Variants in NTNG1 observed in about 807,000 individuals in gnomAD.
The protein encoded by NTNG1 is netrin-G1.
Under a neutral mutation model 54.0 loss-of-function variants are expected in NTNG1, and 16 were observed. The ratio of observed to expected loss-of-function variants is 0.30; its 90% confidence interval spans 0.20 to 0.45. The LOEUF is 0.45. Ranked by LOEUF, NTNG1 falls within the 20% of genes least tolerant of loss-of-function variation. The pLI is 1.00. For synonymous variants in NTNG1, 255 were observed against 263.1 expected, an observed-to-expected ratio of 0.97 and a Z score of 0.30; for missense variants, 530 against 678.7, an observed-to-expected ratio of 0.78 and a Z score of 2.43.
intron 7 of NTNG1, among the ~76,000 whole-genome samples, chr1:107,447,280 T>C (rs2101461366): frequency 6.6e-6 from 1 of 152,188 alleles, no homozygotes; most frequent in East Asian, 1.9e-4. Context: ...GGACAACTAC[T>C]ATGTTCCCAC....
chr1:107,447,474 C>T (rs1676375980), intron 7 of NTNG1, among the ~76,000 whole-genome samples: 1 of 152,008 alleles, frequency 6.6e-6, no homozygotes, highest in South Asian at 2.1e-4. Flanking sequence ...AATATTACAC[C>T]CTTGTTCTTT....
chr1:107,225,955 T>G (rs182786097), intron 2 of NTNG1, among the ~76,000 whole-genome samples: 1 of 152,228 alleles, frequency 6.6e-6, no homozygotes, highest in East Asian at 1.9e-4. Context: ...CCCAGTACTG[T>G]TCCAAGCACC....
intron 3 of NTNG1, among the ~76,000 whole-genome samples, chr1:107,394,509 C>T (rs955068909): frequency 2.0e-5 from 3 of 152,016 alleles, no homozygotes; most frequent in African/African-American, 7.2e-5. Flanking sequence ...TGTGATTCTC[C>T]GATTTGCTGT....
intron 2 of NTNG1, among the ~76,000 whole-genome samples, chr1:107,271,880 T>TA (rs1664166964): frequency 6.6e-6 from 1 of 152,294 alleles, no homozygotes; most frequent in African/African-American, 2.4e-5. Context: ...AAATGCATTT[T>TA]AAAAAATGAC....
intron 2 of NTNG1, among the ~76,000 whole-genome samples, chr1:107,281,283 A>C (rs552600302): frequency 3.0e-4 from 45 of 152,312 alleles, no homozygotes; most frequent in African/African-American, 9.4e-4. Context: ...GAGGACATGA[A>C]TGACCAGCCT....
At chr1:107,354,258 C>T (rs1669804449) in intron 3 of NTNG1, among the ~76,000 whole-genome samples, 1 of 151,704 alleles carries the variant, frequency 6.6e-6, no homozygotes, top group South Asian at 2.1e-4. Flanking sequence ...ATCATGAGGT[C>T]AAGAGTTCAA....
At chr1:107,418,517 T>C (rs1674359053) in intron 5 of NTNG1, 1 of 1,149,102 alleles carries the variant, frequency 8.7e-7, no homozygotes, top group South Asian at 1.5e-5. Context: ...TATAATTTTC[T>C]GTTTAGACCA....
chr1:107,370,791 G>C (rs1364136552), intron 3 of NTNG1, among the ~76,000 whole-genome samples: 1 of 151,798 alleles, frequency 6.6e-6, no homozygotes, highest in African/African-American at 2.4e-5. Flanking sequence ...ATTTATTTCT[G>C]TATAGGTTTT....
At chr1:107,231,857 G>A (rs971110025) in intron 2 of NTNG1, among the ~76,000 whole-genome samples, 52 of 151,852 alleles carry the variant, frequency 3.4e-4, no homozygotes, top group Admixed American at 3.4e-3. Flanking sequence ...TACAATAGAA[G>A]AAATAGATTT....
chr1:107,474,804 C>G (rs1370437023), intron 7 of NTNG1, among the ~76,000 whole-genome samples: 1 of 152,188 alleles, frequency 6.6e-6, no homozygotes, highest in Non-Finnish European at 1.5e-5. Context: ...CAGCATTAGT[C>G]CATTCATGAA....
At chr1:107,158,403 G>GA (rs1278245971) in intron 2 of NTNG1, among the ~76,000 whole-genome samples, 1 of 152,014 alleles carries the variant, frequency 6.6e-6, no homozygotes, top group Admixed American at 6.6e-5. Context: ...GTGAGCTGAG[G>GA]AAAAAACAGA....
At chr1:107,316,630 T>C (rs1667354388) in intron 2 of NTNG1, among the ~76,000 whole-genome samples, 1 of 152,206 alleles carries the variant, frequency 6.6e-6, no homozygotes, top group Non-Finnish European at 1.5e-5. Flanking sequence ...TAAAATTACA[T>C]TGAATTATGT....
At chr1:107,462,421 A>G (rs561999887) in intron 7 of NTNG1, among the ~76,000 whole-genome samples, 1 of 152,332 alleles carries the variant, frequency 6.6e-6, no homozygotes, top group South Asian at 2.1e-4. Flanking sequence ...CAAACTCTTA[A>G]AAGGTCTTTC....
At chr1:107,253,099 A>G (rs1394456196) in intron 2 of NTNG1, among the ~76,000 whole-genome samples, 1 of 152,196 alleles carries the variant, frequency 6.6e-6, no homozygotes, top group Non-Finnish European at 1.5e-5. Flanking sequence ...TCTTAATTTC[A>G]TGGATGTTTT....
At chr1:107,155,666 A>G (rs1024043268) in intron 2 of NTNG1, among the ~76,000 whole-genome samples, 4 of 152,208 alleles carry the variant, frequency 2.6e-5, no homozygotes, top group African/African-American at 4.8e-5. Flanking sequence ...TTGCTAATGT[A>G]TAGTAGGAAT....
intron 2 of NTNG1, among the ~76,000 whole-genome samples, chr1:107,210,807 T>C (rs1451176347): frequency 6.6e-6 from 1 of 152,162 alleles, no homozygotes; most frequent in East Asian, 1.9e-4. Context: ...TTTAATCTTA[T>C]TTACAGATGC....
At chr1:107,233,736 G>A (rs1383036466) in intron 2 of NTNG1, among the ~76,000 whole-genome samples, 4 of 152,140 alleles carry the variant, frequency 2.6e-5, no homozygotes, top group African/African-American at 9.7e-5. Context: ...ATTTTGATTA[G>A]GGATTAATTA....
At chr1:107,146,499 A>G (rs1654130809) in intron 1 of NTNG1, among the ~76,000 whole-genome samples, 1 of 152,120 alleles carries the variant, frequency 6.6e-6, no homozygotes. Context: ...TATAGTAGCC[A>G]CAACACATGC....
upstream of NTNG1, chr1:107,140,224 C>T (rs1653545557): frequency 6.5e-6 from 1 of 152,776 alleles, no homozygotes; most frequent in Admixed American, 6.5e-5. Context: ...GCTATCCTTC[C>T]ACTTGCTGGC....
Sources: allele counts gnomAD v4.1 joint callset (sites outside exome capture counted in the v4.1 genomes callset), GRCh38; gene constraint gnomAD v4.1.1; transcripts MANE v1.5; gene names NCBI Gene and HGNC (gene_info 2026-07-23, HGNC 2026-07-21).